The following PCDHGB2 variants were observed in gnomAD, a reference collection of about 807,000 sequenced individuals.
The protein encoded by PCDHGB2 is protocadherin gamma subfamily B, 2.
PCDHGB2 carries 55 observed loss-of-function variants against 59.3 expected under a neutral mutation model. The ratio of observed to expected loss-of-function variants is 0.93; its 90% CI spans 0.75 to 1.16. The LOEUF (loss-of-function observed/expected upper bound fraction) is 1.16, where lower values mean the gene tolerates loss of function less well. PCDHGB2 is among the 50% of genes most tolerant of loss of function. The pLI is 0.00. For synonymous variants in PCDHGB2, 516 were observed against 512.0 expected, an observed-to-expected ratio of 1.01 and a Z score of -0.11; for missense variants, 1,228 against 1,198.5, an observed-to-expected ratio of 1.02 and a Z score of -0.36.
intron 1 of PCDHGB2, chr5:141,421,458 T>C (rs2096575080): frequency 6.2e-7 from 1 of 1,614,122 alleles, no homozygotes; most frequent in Non-Finnish European, 8.5e-7. Flanking sequence ...AGCTTTTCGC[T>C]GTGAATCCGC....
chr5:141,510,229 C>T (rs904367594), intron 3 of PCDHGB2, among the ~76,000 whole-genome samples: 3 of 150,486 alleles, frequency 2.0e-5, no homozygotes, highest in African/African-American at 7.4e-5. Context: ...GCCGGGATCG[C>T]GCCACTGCAC....
chr5:141,375,994 G>A lies in PCDHGB2; in HGVS notation c.2421+13438G>A, dbSNP rs553803944. ...CGCGCGCCCTGCTGGACAGAGACGC[G>A]CTCAAGCAGAGCCTAGTGGTGGCCG... On this transcript the variant is annotated intron_variant, in intron 1 of 3. Coordinates refer to ENST00000522605, the MANE Select transcript of PCDHGB2 (RefSeq NM_018923.3). The A allele has an allele frequency of 2.5e-6, 4 of 1,613,410 alleles. No individual in the cohort carries two copies. The South Asian group carries it at 3.3e-5, about 13-fold the overall frequency.
At position 141,361,524 on chromosome 5, in the gene PCDHGB2, G is replaced by A. The variant is rs551885796; in HGVS notation, c.1389G>A (p.Glu463=). 27 of 1,613,938 alleles carry A rather than the reference G, an allele frequency of 1.7e-5. No individual in the cohort carries two copies. The highest frequency in any genetic ancestry group is 2.3e-5 in the Non-Finnish European group (27 of 1,179,910). ...CTTCCTACATGGTTCACGTGGCAGA[G>A]AACAATCCTCCTGGCGCCTCTATCG... ...QQTSYMVHVA[E]NNPPGASIAQ... Residue 463 remains glutamate, a synonymous_variant, in exon 1 of 4, where the codon GAG becomes GAA. Transcript: ENST00000522605.
chr5:141,423,184 C>G (rs747938944), intron 1 of PCDHGB2: 3 of 1,613,560 alleles, frequency 1.9e-6, no homozygotes, highest in Non-Finnish European at 2.5e-6. Context: ...CCACGGCCAG[C>G]CCCCTCTCTC....
chr5:141,408,533 G>A, intron 1 of PCDHGB2: 1 of 1,614,056 alleles, frequency 6.2e-7, no homozygotes, highest in Non-Finnish European at 8.5e-7. Flanking sequence ...AGCTGTGGTG[G>A]AAAATCCTTT....
At chr5:141,427,333 T>C (rs1157500463) in intron 1 of PCDHGB2, 1 of 457,322 alleles carries the variant, frequency 2.2e-6, no homozygotes, top group Non-Finnish European at 4.4e-6. Context: ...TTTACTTCAG[T>C]GTCCAGTTCT....
intron 1 of PCDHGB2, chr5:141,367,597 T>C (rs561845144): frequency 7.2e-5 from 11 of 152,152 alleles, no homozygotes; most frequent in African/African-American, 2.6e-4. Context: ...ATAAAATTTA[T>C]ATTAATGATA....
chr5:141,419,638 C>G, intron 1 of PCDHGB2: 1 of 1,612,456 alleles, frequency 6.2e-7, no homozygotes, highest in Non-Finnish European at 8.5e-7. Context: ...AGGTGGTGGC[C>G]GTGGACGCGG....
chr5:141,420,336 T>C, intron 1 of PCDHGB2: 1 of 1,399,186 alleles, frequency 7.1e-7, no homozygotes, highest in East Asian at 2.5e-5. Flanking sequence ...TATTCCAATA[T>C]AGTGGTATTA....
In PCDHGB2 at chr5:141,431,213, TTCCC is replaced by T. The variant is rs1373533151; in HGVS notation, c.2422-63591_2422-63588del. 1 of 1,614,142 alleles carries T rather than the reference TTCCC, an allele frequency of 6.2e-7. No homozygotes were observed. Among genetic ancestry groups the T allele is most frequent in the Admixed American group, 1.7e-5 (1 of 60,020 alleles). On this transcript the variant is annotated intron_variant, in intron 1 of 3. Transcript: ENST00000522605. This position sits in a 1 kb window ranked among gnomAD's most constrained non-coding sequence, Gnocchi z 4.8. ...TGAAAATGCAGCCACTGAGATGCGGTTCCCTCTACCCCACGCCTGGGATCCGGAT... is the reference window on the plus strand; with the variant it reads ...TGAAAATGCAGCCACTGAGATGCGGTTCTACCCCACGCCTGGGATCCGGAT...
chr5:141,419,177 C>T (rs1223789288), intron 1 of PCDHGB2: 8 of 1,613,862 alleles, frequency 5.0e-6, no homozygotes, highest in Admixed American at 1.7e-5. Flanking sequence ...AACCATAACC[C>T]TGCACATTAC....
intron 1 of PCDHGB2, chr5:141,427,757 C>A: frequency 7.5e-7 from 1 of 1,340,702 alleles, no homozygotes; most frequent in Non-Finnish European, 1.1e-6. Flanking sequence ...CCATCGTTAC[C>A]ACTGACTTGG....
At chr5:141,462,540 T>G (rs2099042148) in intron 1 of PCDHGB2, among the ~76,000 whole-genome samples, 2 of 152,204 alleles carry the variant, frequency 1.3e-5, no homozygotes, top group Non-Finnish European at 2.9e-5. Flanking sequence ...TCAGTGATCT[T>G]TTCTTCTTCA....
chr5:141,400,164 C>G (rs1307583379), intron 1 of PCDHGB2: 1 of 1,614,086 alleles, frequency 6.2e-7, no homozygotes, highest in Admixed American at 1.7e-5. Context: ...TACCCTCTGA[C>G]CCCCAGGCTG....
At chr5:141,369,119 A>C (rs1265778026) in intron 1 of PCDHGB2, among the ~76,000 whole-genome samples, 2 of 152,206 alleles carry the variant, frequency 1.3e-5, no homozygotes, top group Non-Finnish European at 2.9e-5. Flanking sequence ...ACTGTAAGAC[A>C]CCTGTCAGAA....
intron 1 of PCDHGB2, chr5:141,397,974 C>T: frequency 1.7e-6 from 2 of 1,174,456 alleles, no homozygotes; most frequent in Non-Finnish European, 1.2e-6. Context: ...TCCCCAGCGC[C>T]GGCCTTTACA....
intron 1 of PCDHGB2, chr5:141,364,794 C>T (rs1763540796): frequency 6.2e-7 from 1 of 1,613,872 alleles, no homozygotes; most frequent in Non-Finnish European, 8.5e-7. Context: ...TTAGTGCTTC[C>T]CTTCGCGCGG....
At chr5:141,372,218 T>A (rs1370078185) in intron 1 of PCDHGB2, 10 of 1,613,426 alleles carry the variant, frequency 6.2e-6, no homozygotes, top group East Asian at 4.5e-5. Context: ...CCTACCACAT[T>A]GTGCAGGCCA....
Position 141,480,177 on chromosome 5 carries a change from G to T in PCDHGB2, c.2422-14630G>T, listed in dbSNP as rs570721769. 4.6e-5 allele frequency among the ~76,000 whole-genome samples: 7 copies of T among 152,066 alleles called. No homozygotes were observed. In the South Asian group the frequency reaches 6.3e-4, roughly 14 times the overall value. ...CTAGCATTTTGGGAGGCTGAGGCAGGCGGATTGCTTGAGGCCAGCAGTTCA... is the reference window on the plus strand; with the variant it reads ...CTAGCATTTTGGGAGGCTGAGGCAGTCGGATTGCTTGAGGCCAGCAGTTCA... On this transcript the variant is annotated intron_variant, in intron 1 of 3. Coordinates refer to ENST00000522605, the MANE Select transcript of PCDHGB2 (RefSeq NM_018923.3).
Sources: allele counts gnomAD v4.1 joint callset (sites outside exome capture counted in the v4.1 genomes callset), GRCh38; gene constraint gnomAD v4.1.1; non-coding constraint Gnocchi (gnomAD v3.1); transcripts MANE v1.5; gene names NCBI Gene and HGNC (gene_info 2026-07-23, HGNC 2026-07-21).